PRKCG: variants seen among roughly 807,000 people sequenced by gnomAD.
PRKCG encodes protein kinase C gamma.
Under a neutral mutation model 82.0 loss-of-function variants are expected in PRKCG, and 28 were observed. The ratio of observed to expected loss-of-function variants is 0.34; its 90% CI spans 0.25 to 0.47. The LOEUF (loss-of-function observed/expected upper bound fraction) is 0.47, where lower values mean the gene tolerates loss of function less well. Ranked by LOEUF, PRKCG falls within the 20% of genes least tolerant of loss-of-function variation. The pLI is 1.00. For synonymous variants in PRKCG, 383 were observed against 376.6 expected (o/e 1.02, Z -0.20); for missense variants, 640 against 952.7 (o/e 0.67, Z 4.32).
In PRKCG at chr19:53,900,209, C is replaced by T; in HGVS notation, c.1282-24C>T. 3.1e-6 allele frequency: 5 copies of T among 1,606,076 alleles called. No homozygotes were observed. The highest frequency in any genetic ancestry group is 4.3e-6 in the Non-Finnish European group (5 of 1,172,700). On this transcript the variant is annotated intron_variant, in intron 11 of 17. Coordinates refer to ENST00000263431, the MANE Select transcript of PRKCG (RefSeq NM_002739.5). This position sits in a 1 kb window ranked among gnomAD's most constrained non-coding sequence, Gnocchi z 4.2. ...TACTCTGGGTAGATGGATCCCGCCT[C>T]TAAGCCCATGCACTTCTCCGCAGGA...
chr19:53,902,914 A>C (rs930699959), intron 14 of PRKCG, among the ~76,000 whole-genome samples, 159 bp from the exon 15 acceptor site: 84 of 151,330 alleles, frequency 5.6e-4, no homozygotes, highest in Non-Finnish European at 5.2e-4. Context: ...AAAAAAAAAA[A>C]AACGAAACAA....
In PRKCG at chr19:53,892,347, C is replaced by G. The variant is rs1465130291; in HGVS notation, c.687-162C>G. ...TTTACTTCAGGCCCCAAAGCCCTAGCTGGAGAGAGAGCCCGGCTGGGAAGG... is the reference window on the plus strand; with the variant it reads ...TTTACTTCAGGCCCCAAAGCCCTAGGTGGAGAGAGAGCCCGGCTGGGAAGG... On this transcript the variant is annotated intron_variant, in intron 6 of 17. Coordinates refer to ENST00000263431, the MANE Select transcript of PRKCG (RefSeq NM_002739.5). The surrounding 1 kb of genome is among the most constrained non-coding windows in gnomAD (Gnocchi z 5.9). Among the ~76,000 whole-genome samples, 1 of 152,180 alleles carries G rather than the reference C, an allele frequency of 6.6e-6. No homozygotes were observed. Among genetic ancestry groups the G allele is most frequent in the East Asian group, 1.9e-4 (1 of 5,182 alleles).
chr19:53,904,780 A>C lies in PRKCG; in HGVS notation c.1764+38A>C, dbSNP rs768915216. ...TGACTCCCAGCTTCTCCAGGCTCAC[A>C]ACCACACACCCCATTGCTGTCTCTG... On this transcript the variant is annotated intron_variant, in intron 16 of 17. Transcript: ENST00000263431. 6.6e-6 allele frequency: 10 copies of C among 1,507,930 alleles called. No individual in the cohort carries two copies. In the African/African-American group the frequency reaches 1.3e-4, roughly 20 times the overall value. 93.4% of individuals were successfully genotyped at this position (1,507,930 alleles called of 1,614,324 possible).
At position 53,883,443 on chromosome 19, in the gene PRKCG, T is replaced by G. The variant is rs1413972553; in HGVS notation, c.202+249T>G. 7.1e-6 allele frequency among the ~76,000 whole-genome samples: 1 copy of G among 141,760 alleles called. No homozygotes were observed. Among genetic ancestry groups the G allele is most frequent in the Non-Finnish European group, 1.5e-5 (1 of 65,972 alleles). 93.0% of individuals were successfully genotyped at this position (141,760 alleles called of 152,430 possible). On this transcript the variant is annotated intron_variant, in intron 2 of 17. Coordinates refer to ENST00000263431, the MANE Select transcript of PRKCG (RefSeq NM_002739.5). This position sits in a 1 kb window ranked among gnomAD's most constrained non-coding sequence, Gnocchi z 5.4. ...GGGGACAGATATTTGGAGAATCTGT[T>G]GCCATGGGAACATGGAGATTTGGAA...
upstream of PRKCG, chr19:53,882,187 C>A (rs1334456637): frequency 1.5e-5 from 6 of 402,830 alleles, no homozygotes; most frequent in African/African-American, 1.1e-4. The surrounding 1 kb of genome is among the most constrained non-coding windows in gnomAD (Gnocchi z 6.1). Flanking sequence ...TCCCCCAACC[C>A]GGGGCTCCCA....
At position 53,904,284 on chromosome 19, in the gene PRKCG, A is replaced by C. The variant is rs59790657; in HGVS notation, c.1657-351A>C. ...AACCTCAGAAGACTGTGAACTACTC[A>C]TCCAACCAGGAGAATGCTTTTAGGG... is the stretch of plus-strand genomic sequence containing the variant. On this transcript the variant is annotated intron_variant, in intron 15 of 17. Transcript: ENST00000263431. 3.7e-3 allele frequency among the ~76,000 whole-genome samples: 559 copies of C among 151,722 alleles called. 2 individuals carry two copies. Among genetic ancestry groups the C allele is most frequent in the African/African-American group, 0.013 (520 of 41,320 alleles).
chr19:53,906,081 CCTCCTTCTTCTTCTT>C (rs2068805940), intron 16 of PRKCG, among the ~76,000 whole-genome samples: 2 of 35,494 alleles, frequency 5.6e-5, no homozygotes, highest in Non-Finnish European at 9.0e-5. Context: ...TCCTCCTCCT[CCTCCTTCTTCTTCTT>C]CTTCTTCTTC....
rs749990005 is a variant in PRKCG at position 53,882,464 on chromosome 19, G to C, written c.-31G>C. The C allele has an allele frequency of 8.8e-6, 14 of 1,599,296 alleles. No homozygotes were observed. The East Asian group carries it at 9.0e-5, about 10-fold the overall frequency. On this transcript the variant is annotated 5_prime_UTR_variant, in exon 1 of 18. Coordinates refer to ENST00000263431, the MANE Select transcript of PRKCG (RefSeq NM_002739.5). The surrounding 1 kb of genome is among the most constrained non-coding windows in gnomAD (Gnocchi z 6.1). ...CCACCTGTTTCCCCCAAGAAAGGCA[G>C]GATCCTGGTCCCTGCTACGTTTCTG...
intron 17 of PRKCG, 41 bp downstream of exon 17, chr19:53,906,498 G>A (rs745337590): frequency 6.4e-7 from 1 of 1,569,126 alleles, no homozygotes; most frequent in South Asian, 1.2e-5. Flanking sequence ...GTCCCTGAAG[G>A]GGTGGGGTTC....
intron 11 of PRKCG, among the ~76,000 whole-genome samples, 163 bp downstream of exon 11, chr19:53,898,791 GTCCTT>G (rs1568759113): frequency 3.9e-4 from 37 of 94,276 alleles, no homozygotes; most frequent in East Asian, 1.5e-3. Context: ...CCGGGGGGGG[GTCCTT>G]GGGGGGCGTG....
At chr19:53,897,070 A>AGT (rs1599948963) in intron 9 of PRKCG, among the ~76,000 whole-genome samples, 1 of 152,152 alleles carries the variant, frequency 6.6e-6, no homozygotes, top group Admixed American at 6.5e-5. Flanking sequence ...GAGGACAATG[A>AGT]GTGTCAGGCC....
In PRKCG at chr19:53,889,824, G is replaced by A; in HGVS notation, c.398-62G>A. On this transcript the variant is annotated intron_variant, in intron 4 of 17. Coordinates refer to ENST00000263431, the MANE Select transcript of PRKCG (RefSeq NM_002739.5). The surrounding 1 kb of genome is among the most constrained non-coding windows in gnomAD (Gnocchi z 4.4). ...TTCCGGGAAATGCCCGGGATGGGGT[G>A]GGGGGTGGAGTCTTGGCTTGGGGGC... 6.3e-7 allele frequency: 1 copy of A among 1,574,902 alleles called. No homozygotes were observed. The highest frequency in any genetic ancestry group is 1.8e-5 in the Admixed American group (1 of 54,488).
chr19:53,901,755 C>A (rs1470185635), intron 14 of PRKCG, among the ~76,000 whole-genome samples: 1 of 148,330 alleles, frequency 6.7e-6, no homozygotes, highest in Non-Finnish European at 1.5e-5. Context: ...GAGGCTGAGG[C>A]AGGAGAATTA....
Position 53,882,493 on chromosome 19 carries a change from C to T in PRKCG, c.-2C>T. The T allele has an allele frequency of 6.2e-7, 1 of 1,613,466 alleles. No homozygotes were observed. The highest frequency in any genetic ancestry group is 8.5e-7 in the Non-Finnish European group (1 of 1,179,658). On this transcript the variant is annotated 5_prime_UTR_variant, in exon 1 of 18. Coordinates refer to ENST00000263431, the MANE Select transcript of PRKCG (RefSeq NM_002739.5). The surrounding 1 kb of genome is among the most constrained non-coding windows in gnomAD (Gnocchi z 6.1). ...CCTGGTCCCTGCTACGTTTCTGGGG[C>T]CATGGCTGGTCTGGGCCCCGGCGTA...
rs771952428 is a variant in PRKCG at position 53,893,383 on chromosome 19, T to C, written c.931T>C (p.Leu311=). Residue 311 remains leucine, a synonymous_variant, in exon 9 of 18, where the codon TTG becomes CTG. Coordinates refer to ENST00000263431, the MANE Select transcript of PRKCG (RefSeq NM_002739.5). The part of the protein sequence containing the change: ...KFEACNYPLE[L]YERVRMGPSS... ...CCAGGCTTGTAACTACCCCCTGGAATTGTATGAGGTGAGTAGAACCAGGGC... is the reference window on the plus strand; with the variant it reads ...CCAGGCTTGTAACTACCCCCTGGAACTGTATGAGGTGAGTAGAACCAGGGC... 3.1e-6 allele frequency: 5 copies of C among 1,613,674 alleles called. No homozygotes were observed. Among genetic ancestry groups the C allele is most frequent in the Non-Finnish European group, 4.2e-6 (5 of 1,179,560 alleles).
intron 15 of PRKCG, among the ~76,000 whole-genome samples, chr19:53,903,851 T>C (rs1194599637): frequency 5.3e-5 from 8 of 152,380 alleles, no homozygotes; most frequent in African/African-American, 2.4e-5. Flanking sequence ...TACAGTTGTC[T>C]AAATATTTAA....
chr19:53,890,110 A>C, intron 5 of PRKCG, 93 bp downstream of exon 5: 5 of 1,323,638 alleles, frequency 3.8e-6, no homozygotes, highest in East Asian at 2.5e-5. Context: ...CCCTACCCCA[A>C]AGATGGGGCC....
chr19:53,907,265 C>T lies in PRKCG; in HGVS notation c.*370C>T, dbSNP rs1242546303. On this transcript the variant is annotated 3_prime_UTR_variant, in exon 18 of 18. Transcript: ENST00000263431. ...CAGACCCCGCCCCTGGGGAAATAGC[C>T]TCACGGGGTTGGCTGTTCCAGACTC... 1 of 352,926 alleles carries T rather than the reference C, an allele frequency of 2.8e-6. No homozygotes were observed. Among genetic ancestry groups the T allele is most frequent in the African/African-American group, 2.1e-5 (1 of 47,718 alleles). 21.9% of individuals were successfully genotyped at this position (352,926 alleles called of 1,614,324 possible). A position where few individuals can be genotyped will look rare whatever the true frequency, so the allele number is the denominator to read the frequency against.
intron 5 of PRKCG, among the ~76,000 whole-genome samples, chr19:53,891,129 T>C (rs183436862): frequency 9.2e-5 from 14 of 152,224 alleles, no homozygotes; most frequent in African/African-American, 3.4e-4. Context: ...ACTGGTGACA[T>C]GGCCAGGGTC....
Sources: allele counts gnomAD v4.1 joint callset (sites outside exome capture counted in the v4.1 genomes callset), GRCh38; gene constraint gnomAD v4.1.1; non-coding constraint Gnocchi (gnomAD v3.1); transcripts MANE v1.5; gene names NCBI Gene and HGNC (gene_info 2026-07-23, HGNC 2026-07-21).